Variants in AGBL4 observed in about 807,000 individuals in gnomAD.
AGBL4 encodes the protein cytosolic carboxypeptidase 6.
In AGBL4, 58 loss-of-function variants were observed where a neutral mutation model predicts 66.4. The ratio of observed to expected loss-of-function variants is 0.87; its 90% CI spans 0.71 to 1.09. AGBL4 has a LOEUF of 1.09. Among genes scored for constraint, AGBL4 ranks in the 50% least tolerant of loss-of-function variants. The pLI is 0.00. For missense variants in AGBL4, 579 were observed against 631.0 expected (o/e 0.92, Z 0.88); for synonymous variants, 234 against 222.9 (o/e 1.05, Z -0.44).
At chr1:50,005,608 T>A (rs1572045728) in intron 1 of AGBL4, among the ~76,000 whole-genome samples, 1 of 152,162 alleles carries the variant, frequency 6.6e-6, no homozygotes, top group East Asian at 1.9e-4. Flanking sequence ...AACAAACATC[T>A]ACAAGCATCA....
chr1:49,763,023 T>A (rs552111554), intron 2 of AGBL4, among the ~76,000 whole-genome samples: 1 of 152,234 alleles, frequency 6.6e-6, no homozygotes, highest in African/African-American at 2.4e-5. Context: ...TCAAGTTTTA[T>A]ATTTAAGTTT....
At chr1:49,704,326 C>T (rs1468683557) in intron 2 of AGBL4, among the ~76,000 whole-genome samples, 2 of 151,928 alleles carry the variant, frequency 1.3e-5, no homozygotes, top group Non-Finnish European at 2.9e-5. Flanking sequence ...AATAGGCCCA[C>T]ATATTTATGA....
intron 9 of AGBL4, among the ~76,000 whole-genome samples, chr1:48,606,775 C>T (rs1645160041): frequency 6.6e-6 from 1 of 152,196 alleles, no homozygotes; most frequent in Non-Finnish European, 1.5e-5. Context: ...TACCTCCTTC[C>T]TTTCCCCATC....
intron 6 of AGBL4, among the ~76,000 whole-genome samples, chr1:48,749,681 G>A (rs1346602614): frequency 2.6e-5 from 4 of 152,158 alleles, no homozygotes; most frequent in African/African-American, 4.8e-5. Context: ...TGAGGGGTGC[G>A]GTGGAAGGGG....
intron 3 of AGBL4, among the ~76,000 whole-genome samples, chr1:49,361,578 G>A (rs1258112276): frequency 6.6e-6 from 1 of 151,942 alleles, no homozygotes; most frequent in African/African-American, 2.4e-5. Context: ...CACCTGCCTC[G>A]GCCTCCCAAA....
At chr1:49,424,441 A>T (rs1645613999) in intron 3 of AGBL4, among the ~76,000 whole-genome samples, 1 of 152,176 alleles carries the variant, frequency 6.6e-6, no homozygotes, top group Non-Finnish European at 1.5e-5. Context: ...AGAAACCAAA[A>T]ATTACCAGTA....
At chr1:49,590,870 G>A (rs61783608) in intron 3 of AGBL4, among the ~76,000 whole-genome samples, 3,984 of 151,906 alleles carry the variant, frequency 0.026, 155 homozygotes, top group Admixed American at 0.11. Context: ...AAATAACTCT[G>A]GAAATTCCAA....
intron 2 of AGBL4, among the ~76,000 whole-genome samples, chr1:49,725,354 A>C (rs1648936399): frequency 1.3e-5 from 2 of 152,160 alleles, no homozygotes; most frequent in African/African-American, 4.8e-5. Flanking sequence ...CTATAAAATG[A>C]ATATGTATCT....
At position 49,704,751 on chromosome 1, in the gene AGBL4, T is replaced by C. The variant is rs530823497; in HGVS notation, c.158-7314A>G. 3.3e-5 allele frequency among the ~76,000 whole-genome samples: 5 copies of C among 152,264 alleles called. No homozygotes were observed. In the South Asian group the frequency reaches 1.0e-3, roughly 32 times the overall value. ...ATCAGATGGTTGTAGATGTGTGGTG[T>C]TATTTCTGAGGCCTCTGTTCTGTTC... On this transcript the variant is annotated intron_variant, in intron 2 of 13. Coordinates refer to ENST00000371839, the MANE Select transcript of AGBL4 (RefSeq NM_032785.4).
intron 11 of AGBL4, among the ~76,000 whole-genome samples, chr1:48,562,295 C>T (rs1232536783): frequency 6.6e-6 from 1 of 152,204 alleles, no homozygotes; most frequent in Non-Finnish European, 1.5e-5. Flanking sequence ...ATGGAGCTAA[C>T]AGGACCCTTA....
intron 9 of AGBL4, 101 bp from the exon 10 acceptor site, chr1:48,591,086 A>ACCCCCC (rs1644910461): frequency 4.6e-6 from 3 of 654,268 alleles, no homozygotes; most frequent in Admixed American, 4.2e-5. Context: ...ACACACACCC[A>ACCCCCC]CCCACCCCCC....
At chr1:49,320,662 A>C (rs1645116588) in intron 3 of AGBL4, among the ~76,000 whole-genome samples, 1 of 152,166 alleles carries the variant, frequency 6.6e-6, no homozygotes, top group Non-Finnish European at 1.5e-5. Flanking sequence ...GACACCCCTC[A>C]CCACTATCAC....
intron 6 of AGBL4, among the ~76,000 whole-genome samples, chr1:48,669,973 A>G: frequency 6.6e-6 from 1 of 152,198 alleles, no homozygotes; most frequent in East Asian, 1.9e-4. Context: ...TAGTAGACTC[A>G]TTATGCTTCA....
intron 3 of AGBL4, among the ~76,000 whole-genome samples, chr1:49,474,604 T>C (rs79860623): frequency 0.012 from 1,804 of 152,010 alleles, 27 homozygotes; most frequent in Middle Eastern, 0.038. Context: ...CTTTTTTTTT[T>C]GGTGTATTAA....
chr1:49,659,056 A>G (rs983201001), intron 3 of AGBL4, among the ~76,000 whole-genome samples: 1 of 152,156 alleles, frequency 6.6e-6, no homozygotes, highest in Admixed American at 6.6e-5. Context: ...TGTATATCCA[A>G]CAAAACTAGC....
intron 2 of AGBL4, among the ~76,000 whole-genome samples, chr1:49,788,780 C>A (rs1017307687): frequency 6.6e-6 from 1 of 152,120 alleles, no homozygotes; most frequent in Non-Finnish European, 1.5e-5. Flanking sequence ...AAATAACAAG[C>A]ATGTAATAAG....
chr1:48,939,768 G>A (rs1383923041), intron 5 of AGBL4, among the ~76,000 whole-genome samples: 1 of 152,188 alleles, frequency 6.6e-6, no homozygotes, highest in Non-Finnish European at 1.5e-5. Context: ...TTCAAAGAGG[G>A]CATTCTGCTT....
At chr1:49,657,412 C>T (rs1360144309) in intron 3 of AGBL4, among the ~76,000 whole-genome samples, 2 of 152,090 alleles carry the variant, frequency 1.3e-5, no homozygotes, top group South Asian at 2.1e-4. Flanking sequence ...GAATCAATAT[C>T]GTGAAAATGG....
At chr1:49,810,422 C>T (rs1229369700) in intron 2 of AGBL4, among the ~76,000 whole-genome samples, 8 of 152,010 alleles carry the variant, frequency 5.3e-5, no homozygotes, top group Non-Finnish European at 1.2e-4. Flanking sequence ...TGTTTTAGTA[C>T]AGGGAGATAC....
Sources: gnomAD v4.1 joint callset for allele counts (sites outside exome capture counted in the v4.1 genomes callset) on GRCh38, gnomAD v4.1.1 for gene constraint, MANE v1.5 for transcripts, NCBI Gene and HGNC (gene_info 2026-07-23, HGNC 2026-07-21) for gene names.